MRTFA: variants seen among roughly 807,000 people sequenced by gnomAD.
The protein encoded by MRTFA is myocardin-related transcription factor A.
MRTFA carries 20 observed loss-of-function variants against 83.5 expected under a neutral mutation model. The observed-to-expected ratio is 0.24, with a 90% confidence interval of 0.17 to 0.35. MRTFA has a LOEUF of 0.35. MRTFA is among the 10% of genes least tolerant of loss of function. The pLI is 1.00. For synonymous variants in MRTFA, 659 were observed against 541.2 expected, an observed-to-expected ratio of 1.22 and a Z score of -3.02; for missense variants, 1,200 against 1,224.7, an observed-to-expected ratio of 0.98 and a Z score of 0.30.
At chr22:40,530,878 G>A (rs557907617) in intron 3 of MRTFA, among the ~76,000 whole-genome samples, 13 of 152,110 alleles carry the variant, frequency 8.5e-5, no homozygotes, top group Non-Finnish European at 1.3e-4. Context: ...AAAATACTTC[G>A]ATAAAATCTT....
chr22:40,426,746 C>A (rs571071905), intron 7 of MRTFA, among the ~76,000 whole-genome samples: 1 of 152,268 alleles, frequency 6.6e-6, no homozygotes, highest in African/African-American at 2.4e-5. Context: ...AGAGAAGTCC[C>A]TCTGCTGAGC....
chr22:40,601,576 T>A (rs1297633492), intron 1 of MRTFA, among the ~76,000 whole-genome samples: 1 of 152,204 alleles, frequency 6.6e-6, no homozygotes, highest in Non-Finnish European at 1.5e-5. Context: ...CAAATTTAAT[T>A]TAGCCTAGAC....
intron 3 of MRTFA, among the ~76,000 whole-genome samples, chr22:40,538,010 G>A (rs1602402461): frequency 1.2e-4 from 3 of 24,368 alleles, no homozygotes; most frequent in Admixed American, 4.6e-4. Flanking sequence ...CTGCCCGGCC[G>A]CCCCTACTGG....
chr22:40,470,234 T>C (rs1452334139), intron 3 of MRTFA, among the ~76,000 whole-genome samples: 1 of 13,158 alleles, frequency 7.6e-5, no homozygotes, highest in African/African-American at 2.2e-4. Flanking sequence ...CAAAATTTTA[T>C]ATATATATAT....
intron 1 of MRTFA, among the ~76,000 whole-genome samples, chr22:40,626,299 T>C (rs759550239): frequency 1.3e-5 from 2 of 151,832 alleles, no homozygotes; most frequent in Admixed American, 6.6e-5. Context: ...ATTTACTCGT[T>C]TTTTTTGAGA....
chr22:40,489,584 G>A (rs963825453), intron 3 of MRTFA, among the ~76,000 whole-genome samples: 1 of 151,988 alleles, frequency 6.6e-6, no homozygotes, highest in Admixed American at 6.6e-5. Flanking sequence ...CAAGTGTTGG[G>A]ATTACAGGCA....
At chr22:40,559,978 T>A (rs554470204) in intron 2 of MRTFA, among the ~76,000 whole-genome samples, 1 of 151,926 alleles carries the variant, frequency 6.6e-6, no homozygotes, top group South Asian at 2.1e-4. Flanking sequence ...TCTATACACA[T>A]ACACACACAC....
chr22:40,516,451 G>GAA (rs370873637), intron 3 of MRTFA, among the ~76,000 whole-genome samples: 1 of 115,290 alleles, frequency 8.7e-6, no homozygotes, highest in Non-Finnish European at 1.9e-5. Context: ...AAAGGAAAAA[G>GAA]AAAAAAAAAA....
intron 1 of MRTFA, among the ~76,000 whole-genome samples, chr22:40,624,206 T>C (rs2056554522): frequency 6.6e-6 from 1 of 152,034 alleles, no homozygotes. Flanking sequence ...GGTAGATTAC[T>C]TGAGGTCAGG....
intron 2 of MRTFA, among the ~76,000 whole-genome samples, chr22:40,592,532 A>G (rs1784486943): frequency 4.1e-5 from 6 of 145,804 alleles, no homozygotes. Context: ...TCTGTCACCC[A>G]GGCTGGAATG....
intron 4 of MRTFA, among the ~76,000 whole-genome samples, chr22:40,443,077 C>G (rs2053308777): frequency 6.6e-6 from 1 of 152,004 alleles, no homozygotes; most frequent in Non-Finnish European, 1.5e-5. Flanking sequence ...CATGGCAAAA[C>G]CCCGTCTCTA....
rs2053879398 is a variant in MRTFA at position 40,470,245 on chromosome 22, AT to A, written c.242-6960del. ...TCTCCAAAATTTTATATATATATAT[AT>A]ATATATATATATATATATATATATA... On this transcript the variant is annotated intron_variant, in intron 3 of 14. Coordinates refer to ENST00000355630, the MANE Select transcript of MRTFA (RefSeq NM_020831.6). Among the ~76,000 whole-genome samples the A allele has an allele frequency of 1.7e-4, 6 of 35,804 alleles. 1 individual carries two copies. The highest frequency in any genetic ancestry group is 1.4e-3 in the Admixed American group (5 of 3,520). The allele number at this position is 35,804 out of a possible 152,430, so 23.5% of individuals were successfully genotyped here. A position where few individuals can be genotyped will look rare whatever the true frequency, so the allele number is the denominator to read the frequency against.
At position 40,423,565 on chromosome 22, in the gene MRTFA, T is replaced by A; in HGVS notation, c.898A>T (p.Thr300Ser). ...ATGAGTGTGGGGGTGGACTTGGCAG[T>A]GGGGATAGTGGTTCCATTGGTGAGG... The change falls in exon 9 of 15, where the codon ACT (threonine) becomes TCT (serine). Residue 300 changes from threonine to serine, a missense_variant. By Grantham distance (58) the Thr-to-Ser change is moderately conservative. This residue lies in a region of MRTFA where 1,107 missense variants were observed against 1,041.8 expected (regional missense o/e 1.06). Transcript: ENST00000355630. 1 of 1,578,118 alleles carries A rather than the reference T, an allele frequency of 6.3e-7. No individual in the cohort carries two copies. The highest frequency in any genetic ancestry group is 1.2e-5 in the South Asian group (1 of 85,710).
intron 3 of MRTFA, among the ~76,000 whole-genome samples, chr22:40,524,120 C>G (rs892859839): frequency 3.3e-5 from 5 of 151,974 alleles, no homozygotes; most frequent in African/African-American, 1.2e-4. Flanking sequence ...ATAGTGAAAA[C>G]CTGTCTCTCA....
At chr22:40,588,486 A>G (rs2147372386) in intron 2 of MRTFA, among the ~76,000 whole-genome samples, 1 of 152,314 alleles carries the variant, frequency 6.6e-6, no homozygotes, top group African/African-American at 2.4e-5. Context: ...GTCACTTAAC[A>G]ACCAAAAATG....
At chr22:40,636,077 CAAGGACTGCACTTGGATCCTG>C (rs2056694586) in intron 1 of MRTFA, among the ~76,000 whole-genome samples, 1 of 152,228 alleles carries the variant, frequency 6.6e-6, no homozygotes, top group African/African-American at 2.4e-5. Context: ...CTGGGAATCC[CAAGGACTGCACTTGGATCCTG>C]AAGGTCTGCA....
At chr22:40,435,663 T>C in intron 4 of MRTFA, 109 bp from the exon 5 acceptor site, 1 of 1,234,006 alleles carries the variant, frequency 8.1e-7, no homozygotes, top group Non-Finnish European at 1.2e-6. Context: ...CTGGGCGTGG[T>C]GGCTCACGCC....
At chr22:40,414,170 C>G (rs975876784) in intron 14 of MRTFA, among the ~76,000 whole-genome samples, 2 of 152,122 alleles carry the variant, frequency 1.3e-5, no homozygotes, top group Non-Finnish European at 2.9e-5. Context: ...GAAACCCCGT[C>G]TCTACTAAAA....
chr22:40,635,092 T>C (rs1477662148), intron 1 of MRTFA, among the ~76,000 whole-genome samples: 1 of 152,208 alleles, frequency 6.6e-6, no homozygotes, highest in Non-Finnish European at 1.5e-5. Flanking sequence ...TCTAAATCAT[T>C]TCAATAAGAA....
Sources: allele counts gnomAD v4.1 joint callset (sites outside exome capture counted in the v4.1 genomes callset), GRCh38; gene constraint gnomAD v4.1.1; regional missense constraint gnomAD v4.1.1; transcripts MANE v1.5; gene names NCBI Gene and HGNC (gene_info 2026-07-23, HGNC 2026-07-21).